VDAC2: variants seen among roughly 807,000 people sequenced by gnomAD.
The protein encoded by VDAC2 is non-selective voltage-gated ion channel VDAC2.
Under a neutral mutation model 36.6 loss-of-function variants are expected in VDAC2, and 6 were observed. The ratio of observed to expected loss-of-function variants is 0.16; its 90% CI spans 0.09 to 0.32. The LOEUF is 0.32. Ranked by LOEUF, VDAC2 falls within the 10% of genes least tolerant of loss-of-function variation. The pLI is 1.00. For synonymous variants in VDAC2, 109 were observed against 123.8 expected (o/e 0.88, Z 0.79); for missense variants, 247 against 346.0 (o/e 0.71, Z 2.27).
chr10:75,213,765 A>G (rs1284689010), intron 3 of VDAC2, among the ~76,000 whole-genome samples: 1 of 152,150 alleles, frequency 6.6e-6, no homozygotes, highest in Admixed American at 6.6e-5. Flanking sequence ...ATAAATAAAT[A>G]AATAATTTGA....
chr10:75,211,637 C>T (rs947707946), intron 2 of VDAC2: 35 of 1,550,356 alleles, frequency 2.3e-5, no homozygotes, highest in Non-Finnish European at 2.5e-5. Flanking sequence ...ACAGCATTGG[C>T]CGAGGACTTG....
At chr10:75,221,959 G>A (rs1445836080) in intron 7 of VDAC2, among the ~76,000 whole-genome samples, 3 of 152,184 alleles carry the variant, frequency 2.0e-5, no homozygotes, top group Non-Finnish European at 4.4e-5. Context: ...ATATGTGTGT[G>A]TATATATACT....
At chr10:75,222,839 G>GT (rs1164711790) in intron 8 of VDAC2, among the ~76,000 whole-genome samples, 7 of 151,982 alleles carry the variant, frequency 4.6e-5, no homozygotes, top group African/African-American at 1.7e-4. Context: ...ATTTTTTGAT[G>GT]TTTTTTTGTA....
Position 75,231,294 on chromosome 10 carries a change from T to C in VDAC2, c.*305T>C. On this transcript the variant is annotated 3_prime_UTR_variant, in exon 10 of 10. Coordinates refer to ENST00000332211, the MANE Select transcript of VDAC2 (RefSeq NM_001391963.1). ...AAAACTGTGCAATTGTGTGCATGTT[T>C]GTTTTTATGTTCCTTTAGAAAACAT... The C allele has an allele frequency of 4.9e-6, 1 of 204,846 alleles. No homozygotes were observed. The highest frequency in any genetic ancestry group is 1.2e-4 in the East Asian group (1 of 8,502). 12.7% of individuals were successfully genotyped at this position (204,846 alleles called of 1,614,324 possible). A position where few individuals can be genotyped will look rare whatever the true frequency, so the allele number is the denominator to read the frequency against.
upstream of VDAC2, chr10:75,210,229 G>C (rs1295826626): frequency 2.0e-5 from 3 of 152,712 alleles, no homozygotes; most frequent in East Asian, 5.8e-4. Flanking sequence ...AAAGAGGGCA[G>C]AAGAGCGCGA....
At chr10:75,225,445 G>A (rs1449637131) in intron 8 of VDAC2, among the ~76,000 whole-genome samples, 2 of 152,210 alleles carry the variant, frequency 1.3e-5, no homozygotes, top group African/African-American at 4.8e-5. Context: ...GGGACAGGAT[G>A]TGGGCTGATA....
At chr10:75,224,281 C>CCTCA (rs1841896079) in intron 8 of VDAC2, among the ~76,000 whole-genome samples, 1 of 152,024 alleles carries the variant, frequency 6.6e-6, no homozygotes, top group Admixed American at 6.5e-5. Context: ...TGAGGAAAGC[C>CCTCA]CTCACACATG....
intron 4 of VDAC2, among the ~76,000 whole-genome samples, chr10:75,215,710 T>C (rs1841582134): frequency 6.7e-6 from 1 of 149,830 alleles, no homozygotes; most frequent in Non-Finnish European, 1.5e-5. Flanking sequence ...GTATTGTAGT[T>C]TTTTTGTTTT....
chr10:75,214,363 T>G (rs1441957491), intron 4 of VDAC2, among the ~76,000 whole-genome samples: 2 of 152,226 alleles, frequency 1.3e-5, no homozygotes, highest in African/African-American at 4.8e-5. Context: ...TTATTAGACT[T>G]TTTTGTAACC....
At chr10:75,218,869 A>G (rs1841698930) in intron 4 of VDAC2, among the ~76,000 whole-genome samples, 194 bp from the exon 5 acceptor site, 1 of 152,194 alleles carries the variant, frequency 6.6e-6, no homozygotes, top group Non-Finnish European at 1.5e-5. Context: ...CAGTTGCTCA[A>G]AGGCTTATTT....
intron 4 of VDAC2, chr10:75,217,961 G>A: frequency 7.8e-7 from 1 of 1,287,894 alleles, no homozygotes; most frequent in Non-Finnish European, 1.0e-6. Flanking sequence ...GCGTGGTGAT[G>A]CTTGTGATCC....
intron 8 of VDAC2, among the ~76,000 whole-genome samples, chr10:75,227,429 T>G (rs1258337420): frequency 6.6e-6 from 1 of 152,118 alleles, no homozygotes; most frequent in African/African-American, 2.4e-5. Flanking sequence ...TTAGAGAACA[T>G]CTAGCTGGAG....
At chr10:75,213,556 A>G (rs1841496815) in intron 3 of VDAC2, among the ~76,000 whole-genome samples, 2 of 152,002 alleles carry the variant, frequency 1.3e-5, no homozygotes, top group African/African-American at 4.8e-5. Flanking sequence ...CATCCTAGCT[A>G]ACACGGTGAA....
At chr10:75,217,168 G>A (rs968253156) in intron 4 of VDAC2, among the ~76,000 whole-genome samples, 1 of 152,104 alleles carries the variant, frequency 6.6e-6, no homozygotes, top group African/African-American at 2.4e-5. Flanking sequence ...GAGATAGGAG[G>A]ATCGCTTGAG....
chr10:75,211,333 C>G (rs535264385), intron 2 of VDAC2, 144 bp downstream of exon 2: 29 of 1,401,856 alleles, frequency 2.1e-5, no homozygotes, highest in Admixed American at 1.5e-4. Flanking sequence ...TGACCACCTC[C>G]TCTGCGGAGG....
rs59508378 is a variant in VDAC2 at position 75,228,274 on chromosome 10, C to CTT, written c.736-1358_736-1357dup. On this transcript the variant is annotated intron_variant, in intron 8 of 9. Transcript: ENST00000332211. ...GGTCATTAGTGAGGTATTTTTCTTT[C>CTT]TTTTTTTTTTTTTGAGCTTTGTTGC... 2.7e-3 allele frequency among the ~76,000 whole-genome samples: 353 copies of CTT among 132,808 alleles called. 1 individual carries two copies. The highest frequency in any genetic ancestry group is 6.1e-3 in the African/African-American group (219 of 36,024). 87.1% of individuals were successfully genotyped at this position (132,808 alleles called of 152,430 possible).
chr10:75,215,644 G>T (rs182010558), intron 4 of VDAC2, among the ~76,000 whole-genome samples: 1 of 151,812 alleles, frequency 6.6e-6, no homozygotes, highest in African/African-American at 2.4e-5. Context: ...GAGCCACCGC[G>T]CCCGGCCTAT....
chr10:75,221,042 G>A, intron 7 of VDAC2, 72 bp downstream of exon 7: 1 of 1,426,096 alleles, frequency 7.0e-7, no homozygotes, highest in Non-Finnish European at 9.6e-7. Context: ...TCATCTTATT[G>A]ATCTGGGTGC....
At chr10:75,210,495 C>T (rs1006493543), upstream of VDAC2, 1 of 152,424 alleles carries the variant, frequency 6.6e-6, no homozygotes, top group Non-Finnish European at 1.5e-5. Context: ...CGCCCCGCCC[C>T]GTCCGTGACG....
Sources: gnomAD v4.1 joint callset for allele counts (sites outside exome capture counted in the v4.1 genomes callset) on GRCh38, gnomAD v4.1.1 for gene constraint, MANE v1.5 for transcripts, NCBI Gene and HGNC (gene_info 2026-07-23, HGNC 2026-07-21) for gene names.